GRID2: variants seen among roughly 807,000 people sequenced by gnomAD.
The protein encoded by GRID2 is glutamate receptor ionotropic, delta-2.
A neutral mutation model predicts 114.8 loss-of-function variants in GRID2; 33 were observed. The observed-to-expected ratio is 0.29, with a 90% CI of 0.22 to 0.38. The LOEUF (loss-of-function observed/expected upper bound fraction) is 0.38, where lower values mean the gene tolerates loss of function less well. Among genes scored for constraint, GRID2 ranks in the 10% least tolerant of loss-of-function variants. The pLI is 1.00. For synonymous variants in GRID2, 505 were observed against 449.9 expected, an observed-to-expected ratio of 1.12 and a Z score of -1.55; for missense variants, 1,184 against 1,257.7, an observed-to-expected ratio of 0.94 and a Z score of 0.89.
intron 14 of GRID2, among the ~76,000 whole-genome samples, chr4:93,714,008 A>G (rs1728701467): frequency 6.6e-6 from 1 of 152,054 alleles, no homozygotes; most frequent in African/African-American, 2.4e-5. Context: ...AACATGTGCC[A>G]TGGTGGTTTG....
intron 1 of GRID2, among the ~76,000 whole-genome samples, chr4:92,427,899 A>G (rs1732238516): frequency 6.6e-6 from 1 of 152,196 alleles, no homozygotes; most frequent in Admixed American, 6.5e-5. Flanking sequence ...TGCTAGGGAA[A>G]CAATCTACTC....
At chr4:93,582,078 A>G (rs1737036910) in intron 13 of GRID2, among the ~76,000 whole-genome samples, 1 of 152,156 alleles carries the variant, frequency 6.6e-6, no homozygotes, top group South Asian at 2.1e-4. Context: ...TTGCTATTTT[A>G]TACTTCTCTG....
At chr4:92,467,932 T>G (rs1721835989) in intron 1 of GRID2, among the ~76,000 whole-genome samples, 1 of 151,984 alleles carries the variant, frequency 6.6e-6, no homozygotes, top group Non-Finnish European at 1.5e-5. Context: ...GGAATGATCA[T>G]AGTAAAACCA....
intron 1 of GRID2, among the ~76,000 whole-genome samples, chr4:92,519,960 C>T (rs1229112587): frequency 6.6e-6 from 1 of 151,814 alleles, no homozygotes; most frequent in Non-Finnish European, 1.5e-5. Flanking sequence ...AAATGTTAAT[C>T]TCATCTAGAA....
intron 3 of GRID2, among the ~76,000 whole-genome samples, chr4:93,086,517 T>C (rs1730338281): frequency 3.3e-5 from 5 of 152,122 alleles, no homozygotes. Flanking sequence ...GCCCTAAATA[T>C]TCAATGGTTG....
chr4:92,505,106 A>G (rs879190576), intron 1 of GRID2, among the ~76,000 whole-genome samples: 1 of 152,022 alleles, frequency 6.6e-6, no homozygotes. Context: ...CTTTTACACT[A>G]CATAAACCAT....
At chr4:92,710,561 GA>G (rs1735197425) in intron 2 of GRID2, among the ~76,000 whole-genome samples, 1 of 152,154 alleles carries the variant, frequency 6.6e-6, no homozygotes, top group Non-Finnish European at 1.5e-5. Context: ...TCCTGGTGAC[GA>G]CTACACTTGA....
rs547973323 is a variant in GRID2, at chr4:93,313,697, A to G, written c.1245+75207A>G. Among the ~76,000 whole-genome samples the G allele has an allele frequency of 4.6e-5, 7 of 152,348 alleles. No homozygotes were observed. The South Asian group carries it at 1.4e-3, about 32-fold the overall frequency. On this transcript the variant is annotated intron_variant, in intron 8 of 15. Transcript: ENST00000282020. ...TGCCTTCAACATTAAATTCACTGTG[A>G]AGAAACATTTTTAAAGTAATATGAT... is the stretch of plus-strand genomic sequence containing the variant.
At chr4:93,170,558 C>A (rs745661838) in intron 4 of GRID2, among the ~76,000 whole-genome samples, 8 of 152,140 alleles carry the variant, frequency 5.3e-5, no homozygotes, top group Admixed American at 2.0e-4. Context: ...CCTGCTTCGC[C>A]ATAATAGCAG....
intron 9 of GRID2, among the ~76,000 whole-genome samples, chr4:93,418,425 A>G: frequency 6.6e-6 from 1 of 152,032 alleles, no homozygotes. Context: ...AAATTTGTTT[A>G]GTTCTTTTTC....
At chr4:92,433,172 A>T (rs1732551812) in intron 1 of GRID2, among the ~76,000 whole-genome samples, 1 of 152,056 alleles carries the variant, frequency 6.6e-6, no homozygotes, top group Non-Finnish European at 1.5e-5. Context: ...AAGTAGAAGG[A>T]AGGAGACTCT....
chr4:93,702,084 C>A (rs1727561121), intron 14 of GRID2, among the ~76,000 whole-genome samples: 1 of 151,998 alleles, frequency 6.6e-6, no homozygotes, highest in Admixed American at 6.6e-5. Flanking sequence ...CTTGATTAGA[C>A]TTTTATTATG....
intron 7 of GRID2, among the ~76,000 whole-genome samples, chr4:93,233,601 C>A (rs560630361): frequency 6.6e-6 from 1 of 152,048 alleles, no homozygotes. Flanking sequence ...TCTTGGCCTT[C>A]CAAAGTGCTG....
intron 4 of GRID2, among the ~76,000 whole-genome samples, chr4:93,149,503 G>A (rs1031437115): frequency 2.0e-5 from 3 of 150,948 alleles, no homozygotes; most frequent in African/African-American, 7.3e-5. Flanking sequence ...TTGAATACGG[G>A]ATGCAGAGAT....
At chr4:92,385,922 A>G (rs1729938024) in intron 1 of GRID2, among the ~76,000 whole-genome samples, 1 of 147,552 alleles carries the variant, frequency 6.8e-6, no homozygotes, top group African/African-American at 2.5e-5. Flanking sequence ...ATATATATAT[A>G]TATGAAATAC....
intron 2 of GRID2, among the ~76,000 whole-genome samples, chr4:92,891,624 G>A (rs1746790822): frequency 6.6e-6 from 1 of 152,084 alleles, no homozygotes; most frequent in Admixed American, 6.6e-5. Context: ...CTATTTTAAT[G>A]AGCTAGGTAC....
intron 11 of GRID2, among the ~76,000 whole-genome samples, chr4:93,481,955 G>T (rs937374402): frequency 2.0e-5 from 3 of 151,722 alleles, no homozygotes; most frequent in African/African-American, 7.3e-5. Context: ...ATTACAGAAG[G>T]GTTTATATTA....
At chr4:92,994,058 G>A (rs1019032346) in intron 2 of GRID2, among the ~76,000 whole-genome samples, 2 of 152,130 alleles carry the variant, frequency 1.3e-5, no homozygotes, top group African/African-American at 2.4e-5. Flanking sequence ...CAATGAGATT[G>A]TCTTTGAAGG....
chr4:92,464,812 TTGGCTC>T (rs1239265384), intron 1 of GRID2, among the ~76,000 whole-genome samples: 2 of 152,146 alleles, frequency 1.3e-5, no homozygotes, highest in Non-Finnish European at 2.9e-5. Context: ...TATGAGAGGT[TTGGCTC>T]TGTGTCCCCA....
Sources: gnomAD v4.1 joint callset for allele counts (sites outside exome capture counted in the v4.1 genomes callset) on GRCh38, gnomAD v4.1.1 for gene constraint, MANE v1.5 for transcripts, NCBI Gene and HGNC (gene_info 2026-07-23, HGNC 2026-07-21) for gene names.